CPXM2: variants seen among roughly 807,000 people sequenced by gnomAD.
CPXM2 encodes the protein carboxypeptidase X, M14 family member 2, also known as inactive carboxypeptidase-like protein X2.
In CPXM2, 66 loss-of-function variants were observed where a neutral mutation model predicts 86.1. That is an observed-to-expected ratio of 0.77 (90% CI 0.63 to 0.94). The LOEUF (loss-of-function observed/expected upper bound fraction) is 0.94. Among genes scored for constraint, CPXM2 ranks in the 40% least tolerant of loss-of-function variants. The probability of loss-of-function intolerance (pLI) is 0.00; values close to 1 mark genes in which losing one functional copy is unlikely to be tolerated. For missense variants in CPXM2, 948 were observed against 1,026.3 expected (o/e 0.92, Z 1.04); for synonymous variants, 388 against 400.2 (o/e 0.97, Z 0.36).
chr10:123,769,135 G>C (rs1020858645), intron 8 of CPXM2, among the ~76,000 whole-genome samples: 4 of 152,136 alleles, frequency 2.6e-5, no homozygotes, highest in African/African-American at 9.7e-5. Flanking sequence ...GCAGAGAATA[G>C]TCCATCAGGG....
intron 2 of CPXM2, among the ~76,000 whole-genome samples, chr10:123,929,965 G>A (rs1314269687): frequency 2.0e-5 from 3 of 152,210 alleles, no homozygotes; most frequent in Non-Finnish European, 4.4e-5. Flanking sequence ...AGGTGACAGA[G>A]GTTCCCACCA....
At chr10:123,747,042 A>G in intron 13 of CPXM2, 25 bp from the exon 14 acceptor site, 1 of 1,611,604 alleles carries the variant, frequency 6.2e-7, no homozygotes, top group African/African-American at 1.3e-5. Flanking sequence ...ACCAGGGGAG[A>G]CTCAGAGCAG....
intron 6 of CPXM2, among the ~76,000 whole-genome samples, 186 bp from the exon 7 acceptor site, chr10:123,780,441 G>C (rs1379733924): frequency 1.3e-5 from 2 of 152,214 alleles, no homozygotes; most frequent in African/African-American, 4.8e-5. Context: ...GTGGTTAAGA[G>C]TGGGGAGCCA....
intron 6 of CPXM2, among the ~76,000 whole-genome samples, chr10:123,784,825 C>T (rs918182098): frequency 7.2e-5 from 11 of 152,182 alleles, no homozygotes; most frequent in Non-Finnish European, 1.3e-4. Context: ...AGCCTTCTCC[C>T]GTTCACGTAC....
intron 2 of CPXM2, among the ~76,000 whole-genome samples, chr10:123,921,657 A>G (rs1287385065): frequency 6.6e-6 from 1 of 152,260 alleles, no homozygotes; most frequent in Admixed American, 6.5e-5. Flanking sequence ...ATGGTAGCAG[A>G]GGCTCAGATT....
At chr10:123,880,605 G>A (rs1418406318) in intron 1 of CPXM2, among the ~76,000 whole-genome samples, 4 of 152,136 alleles carry the variant, frequency 2.6e-5, no homozygotes, top group Non-Finnish European at 4.4e-5. Flanking sequence ...TAAGGCGGGT[G>A]GATCACAAGG....
At chr10:123,890,891 G>A (rs981815480) in intron 1 of CPXM2, among the ~76,000 whole-genome samples, 8 of 152,292 alleles carry the variant, frequency 5.3e-5, no homozygotes, top group Admixed American at 2.0e-4. Flanking sequence ...GCTGAGAAGG[G>A]ACACGACTGG....
intron 7 of CPXM2, among the ~76,000 whole-genome samples, chr10:123,778,357 T>C (rs1465065247): frequency 6.6e-6 from 1 of 152,176 alleles, no homozygotes; most frequent in Admixed American, 6.5e-5. Flanking sequence ...GAGCCAGGAA[T>C]CCAAATGGCA....
At chr10:123,766,134 G>A (rs1465483630) in intron 10 of CPXM2, among the ~76,000 whole-genome samples, 3 of 152,052 alleles carry the variant, frequency 2.0e-5, no homozygotes, top group Non-Finnish European at 1.5e-5. Context: ...CTTCAGAGAC[G>A]TGACAGCTGG....
intron 2 of CPXM2, among the ~76,000 whole-genome samples, chr10:123,935,918 C>G (rs1324713162): frequency 4.3e-5 from 6 of 139,176 alleles, no homozygotes; most frequent in Non-Finnish European, 9.5e-5. Flanking sequence ...TCTTCACCAT[C>G]ATCACCACAT....
At chr10:123,914,183 G>A (rs1276744491) in intron 2 of CPXM2, 19 of 428,624 alleles carry the variant, frequency 4.4e-5, no homozygotes, top group South Asian at 1.2e-4. Context: ...AAGGTCATCC[G>A]GGAACTCTGT....
At chr10:123,880,542 G>C (rs1475552248) in intron 1 of CPXM2, among the ~76,000 whole-genome samples, 1 of 152,078 alleles carries the variant, frequency 6.6e-6, no homozygotes, top group Non-Finnish European at 1.5e-5. Flanking sequence ...CCTGCACGTT[G>C]TTACTATTAT....
intron 2 of CPXM2, among the ~76,000 whole-genome samples, chr10:123,935,772 A>T (rs1945710315): frequency 6.6e-6 from 1 of 152,110 alleles, no homozygotes; most frequent in Admixed American, 6.6e-5. Context: ...CACCATCATA[A>T]CCAGCATCTT....
chr10:123,929,538 G>A (rs1454227618), intron 2 of CPXM2, among the ~76,000 whole-genome samples: 1 of 152,194 alleles, frequency 6.6e-6, no homozygotes, highest in Non-Finnish European at 1.5e-5. Context: ...GGCCACCATG[G>A]AAGAAACCTC....
chr10:123,757,130 A>C (rs1405346934), intron 12 of CPXM2, 83 bp downstream of exon 12: 1 of 1,317,172 alleles, frequency 7.6e-7, no homozygotes, highest in Non-Finnish European at 1.1e-6. Flanking sequence ...TGAAGCTCTA[A>C]TTCCATCCCA....
chr10:123,864,721 T>C (rs1205831295), intron 2 of CPXM2, among the ~76,000 whole-genome samples: 2 of 152,192 alleles, frequency 1.3e-5, no homozygotes, highest in Non-Finnish European at 2.9e-5. Flanking sequence ...ATATAGATCA[T>C]GTACCAGCTC....
chr10:123,898,427 T>G (rs995878620), intron 2 of CPXM2, among the ~76,000 whole-genome samples: 11 of 152,132 alleles, frequency 7.2e-5, no homozygotes, highest in Non-Finnish European at 1.6e-4. Flanking sequence ...GAATAGCCAC[T>G]GAACTCCAGC....
intron 2 of CPXM2, among the ~76,000 whole-genome samples, chr10:123,904,450 G>C (rs947744831): frequency 2.6e-5 from 4 of 152,174 alleles, no homozygotes; most frequent in African/African-American, 4.8e-5. Flanking sequence ...TATAACAATC[G>C]TTCCCACCTC....
intron 6 of CPXM2, among the ~76,000 whole-genome samples, chr10:123,788,202 C>T (rs780180556): frequency 6.7e-6 from 1 of 149,912 alleles, no homozygotes. Context: ...ATCACTTGAA[C>T]CCCAGAGGCA....
Sources: allele counts gnomAD v4.1 joint callset (sites outside exome capture counted in the v4.1 genomes callset), GRCh38; gene constraint gnomAD v4.1.1; transcripts MANE v1.5; gene names NCBI Gene and HGNC (gene_info 2026-07-23, HGNC 2026-07-21).